Variants in BMS1 observed in about 807,000 individuals in gnomAD.
BMS1 encodes the protein ribosome biogenesis protein BMS1 homolog.
Under a neutral mutation model 138.7 loss-of-function variants are expected in BMS1, and 53 were observed. The observed-to-expected ratio is 0.38, with a 90% CI of 0.31 to 0.48. The LOEUF is 0.48. Ranked by LOEUF, BMS1 falls within the 20% of genes least tolerant of loss-of-function variation. BMS1 has a pLI of 0.97. For synonymous variants in BMS1, 504 were observed against 539.9 expected, an observed-to-expected ratio of 0.93 and a Z score of 0.92; for missense variants, 1,360 against 1,565.5, an observed-to-expected ratio of 0.87 and a Z score of 2.22.
intron 21 of BMS1, among the ~76,000 whole-genome samples, chr10:42,828,321 T>A (rs1363945687): frequency 6.6e-6 from 1 of 152,274 alleles, no homozygotes; most frequent in African/African-American, 2.4e-5. Flanking sequence ...TTCCAGTATA[T>A]GACTGTGTCA....
In BMS1 at chr10:42,797,115, G is replaced by A. The variant is rs1841712884; in HGVS notation, c.1871G>A (p.Ser624Asn). The change falls in exon 10 of 23, where the codon AGC (serine) becomes AAC (asparagine). Residue 624 changes from serine (S) to asparagine (N), a missense_variant. This residue lies in a region of BMS1 where 697 missense variants were observed against 686.2 expected (regional missense o/e 1.02). Coordinates refer to ENST00000374518, the MANE Select transcript of BMS1 (RefSeq NM_014753.4). The stretch of plus-strand genomic sequence containing the variant: ...AAGCTTTCAAAGCCTTCTCAAGTGA[G>A]CAGTGGTCAGAAACTGGGGCCACAG... ...RKKLSKPSQV[S>N]SGQKLGPQNF... 1 of 1,614,218 alleles carries A rather than the reference G, an allele frequency of 6.2e-7. No individual in the cohort carries two copies. The highest frequency in any genetic ancestry group is 2.2e-5 in the East Asian group (1 of 44,880).
chr10:42,797,045 A>T lies in BMS1; in HGVS notation c.1801A>T (p.Ser601Cys), dbSNP rs1185138842. ...TGAATCTGAAGAAAGCTCCTCACTC[A>T]GTGCAGAGGAAGAAGACTCAGAAAA... The part of the protein sequence containing the change: ...EDESEESSSL[S>C]AEEEDSENEE... Residue 601 changes from serine to cysteine, a missense_variant, in exon 10 of 23, where the codon AGT becomes TGT. Ser to Cys is a moderately radical substitution (Grantham distance 112, BLOSUM62 -1). Coordinates refer to ENST00000374518, the MANE Select transcript of BMS1 (RefSeq NM_014753.4). The T allele has an allele frequency of 6.2e-7, 1 of 1,614,172 alleles. No individual in the cohort carries two copies. Among genetic ancestry groups the T allele is most frequent in the African/African-American group, 1.3e-5 (1 of 75,040 alleles).
rs1841559282 is a variant in BMS1 at position 42,792,980 on chromosome 10, G to A, written c.925G>A (p.Asp309Asn). Residue 309 changes from aspartate (D) to asparagine (N), a missense_variant, in exon 8 of 23, where the codon GAC becomes AAC. Transcript: ENST00000374518. The stretch of plus-strand genomic sequence containing the variant: ...AGGGGTAGGAGATTTTGCCGTGAGT[G>A]ACATCAGTTTCCTCCCAGACCCTTG... ...MPGVGDFAVSDISFLPDPCAL... is the reference protein window; with the variant it reads ...MPGVGDFAVSNISFLPDPCAL... 2 of 1,611,308 alleles carry A rather than the reference G, an allele frequency of 1.2e-6. No homozygotes were observed. The highest frequency in any genetic ancestry group is 1.7e-6 in the Non-Finnish European group (2 of 1,179,230).
chr10:42,829,398 G>T (rs1842741254), intron 21 of BMS1, among the ~76,000 whole-genome samples: 1 of 152,134 alleles, frequency 6.6e-6, no homozygotes, highest in African/African-American at 2.4e-5. Context: ...GCCTTCATCT[G>T]TTGTTTGAGT....
chr10:42,792,890 C>G lies in BMS1; in HGVS notation c.902-67C>G, dbSNP rs140149597. On this transcript the variant is annotated intron_variant, in intron 7 of 22. Coordinates refer to ENST00000374518, the MANE Select transcript of BMS1 (RefSeq NM_014753.4). ...TTGGACTGTGGATCATATTTAACCC[C>G]CTAGTCAATGGTAGATGCTTCTGAC... 992 of 1,520,050 alleles carry G rather than the reference C, an allele frequency of 6.5e-4. 4 individuals carry two copies. In the Middle Eastern group the frequency reaches 0.016, roughly 24 times the overall value. 94.2% of individuals were successfully genotyped at this position (1,520,050 alleles called of 1,614,324 possible).
chr10:42,795,730 A>G (rs368919819), intron 9 of BMS1, among the ~76,000 whole-genome samples: 5 of 152,226 alleles, frequency 3.3e-5, no homozygotes, highest in African/African-American at 9.6e-5. Context: ...AGCTTCATAC[A>G]GTTTTCTTTT....
At chr10:42,784,642 A>G in intron 2 of BMS1, 72 bp downstream of exon 2, 1 of 1,504,576 alleles carries the variant, frequency 6.6e-7, no homozygotes, top group South Asian at 1.4e-5. Flanking sequence ...CTCACAGGTG[A>G]CATTTGGATT....
At chr10:42,785,441 G>A (rs772716244) in intron 2 of BMS1, 41 bp from the exon 3 acceptor site, 7 of 1,524,030 alleles carry the variant, frequency 4.6e-6, no homozygotes, top group East Asian at 2.3e-5. Context: ...TTTTGAAAAT[G>A]AGTTTACTAT....
intron 4 of BMS1, among the ~76,000 whole-genome samples, chr10:42,788,782 C>T (rs1352823226): frequency 6.6e-6 from 1 of 152,154 alleles, no homozygotes; most frequent in Non-Finnish European, 1.5e-5. Context: ...TTTTCTTTTT[C>T]CTTAGTATAA....
At chr10:42,812,017 C>A (rs1285671851) in intron 13 of BMS1, among the ~76,000 whole-genome samples, 1 of 152,100 alleles carries the variant, frequency 6.6e-6, no homozygotes, top group Non-Finnish European at 1.5e-5. Context: ...GCTGTGATTT[C>A]TTTTATTGCC....
At chr10:42,808,289 T>A (rs967183062) in intron 13 of BMS1, among the ~76,000 whole-genome samples, 1 of 150,180 alleles carries the variant, frequency 6.7e-6, no homozygotes, top group Non-Finnish European at 1.5e-5. Context: ...TTTATTTATT[T>A]ATTTATTATT....
At position 42,820,664 on chromosome 10, in the gene BMS1, A is replaced by G. The variant is rs749249111; in HGVS notation, c.2926A>G (p.Met976Val). Residue 976 changes from methionine to valine, a missense_variant, in exon 17 of 23, where the codon ATG becomes GTG. Physicochemically the swap from Met to Val is conservative, Grantham distance 21. Around this residue, in one of 3 missense-constraint regions of BMS1, gnomAD observed 425 missense variants for 568.3 expected, o/e 0.75. Transcript: ENST00000374518. ...GCTTCTAAAGTATACCCCACAGCAC[A>G]TGCATTGCGGAGCAGCCTTTTGGGG... is the stretch of plus-strand genomic sequence containing the variant. ...QRLLKYTPQH[M>V]HCGAAFWGPI... The G allele has an allele frequency of 3.7e-6, 6 of 1,611,876 alleles. No individual in the cohort carries two copies. Among genetic ancestry groups the G allele is most frequent in the Admixed American group, 1.7e-5 (1 of 59,992 alleles).
intron 13 of BMS1, among the ~76,000 whole-genome samples, chr10:42,809,540 C>T (rs1299810627): frequency 3.9e-5 from 6 of 152,038 alleles, no homozygotes; most frequent in Non-Finnish European, 5.9e-5. Context: ...GGATTATAGG[C>T]GTGAGCGACC....
chr10:42,805,757 T>G (rs1282773969), intron 13 of BMS1, among the ~76,000 whole-genome samples: 1 of 151,218 alleles, frequency 6.6e-6, no homozygotes, highest in Non-Finnish European at 1.5e-5. Flanking sequence ...TGCAGTTGAT[T>G]TTTTTTTTAA....
intron 4 of BMS1, among the ~76,000 whole-genome samples, chr10:42,788,264 C>T (rs1242205686): frequency 6.6e-6 from 1 of 152,064 alleles, no homozygotes. Flanking sequence ...TGAAATAGTT[C>T]ATAGAAGTCA....
intron 21 of BMS1, among the ~76,000 whole-genome samples, chr10:42,829,699 G>A (rs1178243088): frequency 2.6e-5 from 4 of 152,042 alleles, no homozygotes; most frequent in Non-Finnish European, 4.4e-5. Context: ...GTGTGTGCCT[G>A]TAGTCCCAGA....
chr10:42,829,079 G>T (rs1481333556), intron 21 of BMS1, among the ~76,000 whole-genome samples: 4 of 152,124 alleles, frequency 2.6e-5, no homozygotes, highest in African/African-American at 9.7e-5. Flanking sequence ...AAAAGCCTAG[G>T]GCAAAACTTT....
rs1842845920 is a variant in BMS1 at position 42,834,725 on chromosome 10, GTCTTT to G, written c.*3634_*3638del. 1 of 152,028 alleles carries G rather than the reference GTCTTT, an allele frequency of 6.6e-6. No individual in the cohort carries two copies. The highest frequency in any genetic ancestry group is 1.5e-5 in the Non-Finnish European group (1 of 68,018). 9.4% of individuals were successfully genotyped at this position (152,028 alleles called of 1,614,324 possible). Reference sequence around the variant, plus strand: ...ATGGGTATTTGGAGGAATCTTTTAAGTCTTTTCTTAAGCAAAGTTTGGACACTCTA... The same window carrying G: ...ATGGGTATTTGGAGGAATCTTTTAAGTCTTAAGCAAAGTTTGGACACTCTA... On this transcript the variant is annotated 3_prime_UTR_variant, in exon 23 of 23. Coordinates refer to ENST00000374518, the MANE Select transcript of BMS1 (RefSeq NM_014753.4).
chr10:42,806,711 G>T (rs1187884615), intron 13 of BMS1, among the ~76,000 whole-genome samples: 1 of 150,108 alleles, frequency 6.7e-6, no homozygotes, highest in East Asian at 2.0e-4. Context: ...CTCCAGCCTG[G>T]GCGACAGCAC....
Sources: gnomAD v4.1 joint callset for allele counts (sites outside exome capture counted in the v4.1 genomes callset) on GRCh38, gnomAD v4.1.1 for gene constraint, gnomAD v4.1.1 regional missense constraint, MANE v1.5 for transcripts, NCBI Gene and HGNC (gene_info 2026-07-23, HGNC 2026-07-21) for gene names.